JAK2: variants seen among roughly 807,000 people sequenced by gnomAD.
The protein encoded by JAK2 is tyrosine-protein kinase JAK2.
JAK2 carries 86 observed loss-of-function variants against 139.3 expected under a neutral mutation model. That is an observed-to-expected ratio of 0.62 (90% CI 0.52 to 0.74). The LOEUF is 0.74. JAK2 is among the 30% of genes least tolerant of loss of function. The pLI, the probability that JAK2 is intolerant of heterozygous loss-of-function variation, is 0.00. For missense variants in JAK2, 1,421 were observed against 1,360.3 expected, an observed-to-expected ratio of 1.04 and a Z score of -0.70; for synonymous variants, 490 against 437.7, an observed-to-expected ratio of 1.12 and a Z score of -1.49.
At chr9:4,996,413 A>G (rs948853942) in intron 2 of JAK2, among the ~76,000 whole-genome samples, 1 of 152,116 alleles carries the variant, frequency 6.6e-6, no homozygotes, top group Non-Finnish European at 1.5e-5. Context: ...GTGCCATTGC[A>G]CTCTAGCCTG....
At chr9:5,091,424 G>T (rs933943205) in intron 22 of JAK2, 4 of 152,392 alleles carry the variant, frequency 2.6e-5, no homozygotes, top group African/African-American at 9.7e-5. Context: ...GAATATGATG[G>T]GGTGGTGATC....
chr9:5,098,301 T>C (rs1190509774), intron 22 of JAK2: 5 of 152,158 alleles, frequency 3.3e-5, no homozygotes, highest in African/African-American at 7.2e-5. Context: ...TTACGTAACT[T>C]TGTCAAAGTT....
At chr9:5,074,962 C>A (rs1819212307) in intron 14 of JAK2, among the ~76,000 whole-genome samples, 1 of 152,156 alleles carries the variant, frequency 6.6e-6, no homozygotes, top group Non-Finnish European at 1.5e-5. Context: ...CCTGTGAGCA[C>A]ATAAATTACA....
chr9:5,121,928 T>G (rs1823644929), intron 22 of JAK2, among the ~76,000 whole-genome samples: 1 of 152,136 alleles, frequency 6.6e-6, no homozygotes, highest in African/African-American at 2.4e-5. Context: ...CTTCAAGAAC[T>G]TTGCATTCCC....
intron 4 of JAK2, among the ~76,000 whole-genome samples, chr9:5,032,054 C>T (rs1196558143): frequency 6.7e-6 from 1 of 150,362 alleles, no homozygotes; most frequent in Non-Finnish European, 1.5e-5. Context: ...TCGGGTCACT[C>T]CCACTCTAAT....
chr9:5,116,056 A>T (rs1163437986), intron 22 of JAK2, among the ~76,000 whole-genome samples: 1 of 152,108 alleles, frequency 6.6e-6, no homozygotes, highest in Non-Finnish European at 1.5e-5. Flanking sequence ...TTAAAGTATA[A>T]TAAAATTTAA....
chr9:5,024,792 G>A (rs981697554), intron 3 of JAK2, among the ~76,000 whole-genome samples: 1 of 152,152 alleles, frequency 6.6e-6, no homozygotes, highest in African/African-American at 2.4e-5. Context: ...GAACATAGGT[G>A]TGCTCTTTGC....
chr9:5,042,237 C>T (rs7468147), intron 4 of JAK2, among the ~76,000 whole-genome samples: 1 of 150,728 alleles, frequency 6.6e-6, no homozygotes, highest in Non-Finnish European at 1.5e-5. Flanking sequence ...TCCCGGGTTC[C>T]CGCCATTCTC....
At chr9:5,102,832 A>G (rs570758022) in intron 22 of JAK2, among the ~76,000 whole-genome samples, 1 of 152,302 alleles carries the variant, frequency 6.6e-6, no homozygotes, top group Non-Finnish European at 1.5e-5. Context: ...TCCTTTACAG[A>G]CAAGCAAATG....
intron 22 of JAK2, among the ~76,000 whole-genome samples, chr9:5,119,441 G>C (rs1043311299): frequency 1.3e-5 from 2 of 151,880 alleles, no homozygotes; most frequent in African/African-American, 4.8e-5. Context: ...AAAAAAAAAG[G>C]CTTCAAATTA....
intron 22 of JAK2, chr9:5,114,293 G>C (rs946139135): frequency 2.2e-5 from 12 of 542,932 alleles, no homozygotes; most frequent in Non-Finnish European, 3.6e-5. Flanking sequence ...AGAACGTGAA[G>C]CTGACTTGGT....
At chr9:5,012,161 C>G (rs1821745948) in intron 2 of JAK2, among the ~76,000 whole-genome samples, 1 of 152,118 alleles carries the variant, frequency 6.6e-6, no homozygotes, top group Non-Finnish European at 1.5e-5. Context: ...ATACTTTCAC[C>G]CAGTAAGACT....
At chr9:5,119,703 T>G (rs1176056502) in intron 22 of JAK2, among the ~76,000 whole-genome samples, 1 of 152,180 alleles carries the variant, frequency 6.6e-6, no homozygotes, top group Non-Finnish European at 1.5e-5. Context: ...AGGTATGAAG[T>G]GAATTCTGAC....
intron 22 of JAK2, among the ~76,000 whole-genome samples, chr9:5,096,127 A>G (rs932096735): frequency 6.6e-6 from 1 of 152,166 alleles, no homozygotes. Flanking sequence ...CTCCATCTCA[A>G]TGACAATATT....
chr9:5,085,855 CAGA>C, intron 19 of JAK2: 1 of 772,712 alleles, frequency 1.3e-6, no homozygotes, highest in Non-Finnish European at 2.4e-6. Context: ...AAGTAGTACT[CAGA>C]GATTTCCTTA....
intron 22 of JAK2, chr9:5,100,744 G>T (rs116705766): frequency 6.6e-6 from 1 of 152,164 alleles, no homozygotes; most frequent in Non-Finnish European, 1.5e-5. Flanking sequence ...ATTACCTTAG[G>T]TATTTACTTC....
At chr9:5,026,439 G>A (rs562640366) in intron 3 of JAK2, among the ~76,000 whole-genome samples, 8 of 152,234 alleles carry the variant, frequency 5.3e-5, no homozygotes, top group South Asian at 2.1e-4. Flanking sequence ...GTAGACGGTC[G>A]TGTTAATAAT....
At chr9:5,126,603 G>A in intron 24 of JAK2, 81 bp from the exon 25 acceptor site, 2 of 1,029,916 alleles carry the variant, frequency 1.9e-6, no homozygotes, top group South Asian at 1.5e-5. Context: ...CATGTGCCCT[G>A]TATTGAAAAT....
At chr9:5,107,217 G>T (rs1363243325) in intron 22 of JAK2, among the ~76,000 whole-genome samples, 1 of 152,000 alleles carries the variant, frequency 6.6e-6, no homozygotes, top group Non-Finnish European at 1.5e-5. Flanking sequence ...ATATCTGAAA[G>T]ATATTAAATA....
Sources: gnomAD v4.1 joint callset for allele counts (sites outside exome capture counted in the v4.1 genomes callset) on GRCh38, gnomAD v4.1.1 for gene constraint, MANE v1.5 for transcripts, NCBI Gene and HGNC (gene_info 2026-07-23, HGNC 2026-07-21) for gene names.